The following P4HTM variants were observed in gnomAD, a reference collection of about 807,000 sequenced individuals.
P4HTM encodes prolyl 4-hydroxylase, transmembrane, also known as transmembrane prolyl 4-hydroxylase.
In P4HTM, 33 loss-of-function variants were observed where a neutral mutation model predicts 55.3. The ratio of observed to expected loss-of-function variants is 0.60; its 90% CI spans 0.45 to 0.80. The LOEUF is 0.80. Ranked by LOEUF, P4HTM falls within the 30% of genes least tolerant of loss-of-function variation. The pLI is 0.00. For synonymous variants in P4HTM, 272 were observed against 286.4 expected, an observed-to-expected ratio of 0.95 and a Z score of 0.51; for missense variants, 542 against 696.5, an observed-to-expected ratio of 0.78 and a Z score of 2.50.
intron 2 of P4HTM, among the ~76,000 whole-genome samples, chr3:48,998,556 C>T (rs1366149035): frequency 2.0e-5 from 3 of 152,208 alleles, no homozygotes; most frequent in South Asian, 2.1e-4. Context: ...TCTTCACTCC[C>T]GCCCTCCCAC....
intron 4 of P4HTM, chr3:49,003,241 G>A (rs1439723983): frequency 1.0e-5 from 2 of 191,246 alleles, no homozygotes; most frequent in Non-Finnish European, 2.2e-5. Flanking sequence ...ACAGCAGTTA[G>A]AAAGGACTTG....
In P4HTM at chr3:48,990,897, T is replaced by C; in HGVS notation, c.419T>C (p.Leu140Pro). ...GATCACTTCATCCGAACCCTCAGCC[T>C]CAAGCCGCTGCTCTTCGGTAAGTCC... is the stretch of plus-strand genomic sequence containing the variant. ...DRDHFIRTLS[L>P]KPLLFEIPGF... Residue 140 changes from leucine to proline, a missense_variant, in exon 2 of 9, where the codon CTC becomes CCC. Leu to Pro is a moderately conservative substitution (Grantham distance 98). Coordinates refer to ENST00000383729, the MANE Select transcript of P4HTM (RefSeq NM_177939.3). This position sits in a 1 kb window ranked among gnomAD's most constrained non-coding sequence, Gnocchi z 7.2. 6.2e-7 allele frequency: 1 copy of C among 1,613,638 alleles called. No homozygotes were observed. Among genetic ancestry groups the C allele is most frequent in the African/African-American group, 1.3e-5 (1 of 75,042 alleles).
rs751038198 is a variant in P4HTM, at chr3:49,006,700, C to T, written c.1302C>T (p.Asp434=). The change falls in exon 9 of 9, where the codon GAC becomes GAT. Residue 434 remains aspartate (D), a synonymous_variant. Transcript: ENST00000383729. ...CTCCTCTTCTAGGTTGGGTGGGTGA[C>T]GTAGACGACTACTCGCTGCACGGGG... The part of the protein sequence containing the change: ...YLPDGQGWVG[D]VDDYSLHGGC... 1.2e-6 allele frequency: 2 copies of T among 1,613,594 alleles called. No homozygotes were observed. The highest frequency in any genetic ancestry group is 1.7e-6 in the Non-Finnish European group (2 of 1,179,974).
intron 4 of P4HTM, chr3:49,003,162 A>G: frequency 4.4e-6 from 1 of 228,870 alleles, no homozygotes; most frequent in Non-Finnish European, 8.8e-6. Flanking sequence ...CTCTGGTAAT[A>G]ACTCTCAGGA....
chr3:48,990,315 CGAGGCCGCA>C lies in P4HTM; in HGVS notation c.61_69del (p.Arg21_Gln23del), dbSNP rs758487447. 21 of 1,399,930 alleles carry C rather than the reference CGAGGCCGCA, an allele frequency of 1.5e-5. No homozygotes were observed. The highest frequency in any genetic ancestry group is 9.2e-7 in the Non-Finnish European group (1 of 1,083,090). The allele number at this position is 1,399,930 out of a possible 1,614,324, so 86.7% of individuals were successfully genotyped here. On this transcript the variant is annotated inframe_deletion, in exon 1 of 9. Transcript: ENST00000383729. This position sits in a 1 kb window ranked among gnomAD's most constrained non-coding sequence, Gnocchi z 7.2. Reference sequence around the variant, plus strand: ...GAGACCGCGGCGGCCGAGGAGGCCTCGAGGCCGCAGTGGGCGCCGCCAGACCACTGCCAG... The same window carrying C: ...GAGACCGCGGCGGCCGAGGAGGCCTCGTGGGCGCCGCCAGACCACTGCCAG...
In P4HTM at chr3:49,001,420, C is replaced by G; in HGVS notation, c.437-18C>G. On this transcript the variant is annotated intron_variant, in intron 2 of 8. Coordinates refer to ENST00000383729, the MANE Select transcript of P4HTM (RefSeq NM_177939.3). ...CCCTGGCTCAGTCCTTGGCCTCACC[C>G]ACCTCCTCTTCTGGCAGAAATCCCC... The G allele has an allele frequency of 6.2e-7, 1 of 1,613,352 alleles. No individual in the cohort carries two copies. The highest frequency in any genetic ancestry group is 8.5e-7 in the Non-Finnish European group (1 of 1,179,812).
chr3:48,990,433 C>T lies in P4HTM; in HGVS notation c.177C>T (p.Ala59=). The change falls in exon 1 of 9, where the codon GCC becomes GCT. Residue 59 remains alanine (A), a synonymous_variant. Transcript: ENST00000383729. The surrounding 1 kb of genome is among the most constrained non-coding windows in gnomAD (Gnocchi z 7.2). ...LCKPRGICSR[A]YFLVLMVFVH... ...AGCCCCGCGGCATCTGCTCGCGCGC[C>T]TACTTCCTGGTGCTGATGGTGTTCG... 1 of 1,608,626 alleles carries T rather than the reference C, an allele frequency of 6.2e-7. No individual in the cohort carries two copies. Among genetic ancestry groups the T allele is most frequent in the Non-Finnish European group, 8.5e-7 (1 of 1,179,136 alleles).
At chr3:48,993,218 C>T (rs1435157087) in intron 2 of P4HTM, among the ~76,000 whole-genome samples, 4 of 151,298 alleles carry the variant, frequency 2.6e-5, no homozygotes, top group African/African-American at 7.3e-5. Flanking sequence ...AGGAGAATCG[C>T]TTGAACCCAG....
In P4HTM at chr3:49,004,993, C is replaced by T; in HGVS notation, c.1020C>T (p.Cys340=). Residue 340 remains cysteine, a synonymous_variant, in exon 6 of 9, where the codon TGC becomes TGT. Coordinates refer to ENST00000383729, the MANE Select transcript of P4HTM (RefSeq NM_177939.3). ...GGCCTGTGTACCCAGAGACCATCTG[C>T]TCCCATACCAAGCTGGTAGCCAACG... The part of the protein sequence containing the change: ...DSGPVYPETI[C]SHTKLVANES... 5.0e-6 allele frequency: 8 copies of T among 1,614,126 alleles called. No homozygotes were observed. The highest frequency in any genetic ancestry group is 6.8e-6 in the Non-Finnish European group (8 of 1,180,036).
chr3:48,992,328 G>A (rs1025767031), intron 2 of P4HTM: 5 of 151,978 alleles, frequency 3.3e-5, no homozygotes, highest in African/African-American at 1.2e-4. Flanking sequence ...AGACAGGGCC[G>A]GGCGTGGTGG....
At position 49,002,580 on chromosome 3, in the gene P4HTM, T is replaced by A. The variant is rs762291178; in HGVS notation, c.708T>A (p.Ala236=). The A allele has an allele frequency of 6.2e-7, 1 of 1,612,872 alleles. No individual in the cohort carries two copies. The change falls in exon 4 of 9, where the codon GCT becomes GCA. Residue 236 remains alanine, a synonymous_variant. Transcript: ENST00000383729. This position sits in a 1 kb window ranked among gnomAD's most constrained non-coding sequence, Gnocchi z 4.4. ...AGGAGATGTACGCCGCGATCAAGGC[T>A]GACCCTGATGGTGACGGTGAGCTCA... is the stretch of plus-strand genomic sequence containing the variant. ...SIQEMYAAIK[A]DPDGDGVLSL...
rs150242336 is a variant in P4HTM at position 49,006,876 on chromosome 3, G to A, written c.1478G>A (p.Arg493Gln). The A allele has an allele frequency of 2.5e-5, 40 of 1,612,620 alleles. No individual in the cohort carries two copies. The African/African-American group carries it at 4.7e-4, about 19-fold the overall frequency. ...TDSQPEWALD[R>Q]AYRDARVEL ...TCACAGCCCGAGTGGGCTCTGGACCGGGCCTACCGCGATGCGCGCGTGGAA... is the reference window on the plus strand; with the variant it reads ...TCACAGCCCGAGTGGGCTCTGGACCAGGCCTACCGCGATGCGCGCGTGGAA... The change falls in exon 9 of 9, where the codon CGG (arginine) becomes CAG (glutamine). Residue 493 changes from arginine to glutamine, a missense_variant. Around this residue, in one of 2 missense-constraint regions of P4HTM, gnomAD observed 536 missense variants for 672.1 expected, o/e 0.80. Transcript: ENST00000383729.
rs774451170 is a variant in P4HTM at position 49,001,471 on chromosome 3, G to C, written c.470G>C (p.Arg157Pro). Residue 157 changes from arginine to proline, a missense_variant, in exon 3 of 9, where the codon CGG becomes CCG. Physicochemically the swap from Arg to Pro is moderately radical, Grantham distance 103. Coordinates refer to ENST00000383729, the MANE Select transcript of P4HTM (RefSeq NM_177939.3). ...IPGFLTDEECRLIIHLAQMKG... is the reference protein window; with the variant it reads ...IPGFLTDEECPLIIHLAQMKG... ...GGCTTCCTGACTGATGAAGAGTGTC[G>C]GCTCATCATCCATCTGGCGCAGATG... 6.2e-7 allele frequency: 1 copy of C among 1,613,862 alleles called. No individual in the cohort carries two copies. Among genetic ancestry groups the C allele is most frequent in the African/African-American group, 1.3e-5 (1 of 75,026 alleles).
At chr3:48,998,984 C>T (rs939269422) in intron 2 of P4HTM, among the ~76,000 whole-genome samples, 2 of 152,158 alleles carry the variant, frequency 1.3e-5, no homozygotes, top group Non-Finnish European at 2.9e-5. Flanking sequence ...TGCCCCCAAC[C>T]CCCAGCCTGA....
chr3:48,990,842 G>A lies in P4HTM; in HGVS notation c.364G>A (p.Glu122Lys), dbSNP rs147087720. The change falls in exon 2 of 9, where the codon GAG becomes AAG. Residue 122 changes from glutamate (E) to lysine (K), a missense_variant. Around this residue, in one of 2 missense-constraint regions of P4HTM, gnomAD observed 536 missense variants for 672.1 expected, o/e 0.80. Coordinates refer to ENST00000383729, the MANE Select transcript of P4HTM (RefSeq NM_177939.3). The surrounding 1 kb of genome is among the most constrained non-coding windows in gnomAD (Gnocchi z 7.2). ...TGCGCCTTTTCCTTAGGTGGGGCAC[G>A]AGCGTAAGGTCCAGCTGGTCACCGA... ...TRLEGIKVGH[E>K]RKVQLVTDRD... The A allele has an allele frequency of 4.3e-6, 7 of 1,613,826 alleles. No homozygotes were observed. The highest frequency in any genetic ancestry group is 2.2e-5 in the East Asian group (1 of 44,860).
At chr3:48,991,510 A>C (rs1230843184) in intron 2 of P4HTM, 1 of 152,510 alleles carries the variant, frequency 6.6e-6, no homozygotes, top group East Asian at 1.9e-4. Flanking sequence ...AGCTCTAGTT[A>C]TGTGCTTGCC....
intron 2 of P4HTM, chr3:48,991,711 A>G (rs2092931795): frequency 6.6e-6 from 1 of 152,250 alleles, no homozygotes; most frequent in Non-Finnish European, 1.5e-5. Context: ...CAGTAAAGCC[A>G]CAGTGCGAGC....
intron 2 of P4HTM, among the ~76,000 whole-genome samples, chr3:49,000,162 A>C (rs754895157): frequency 6.6e-6 from 1 of 152,178 alleles, no homozygotes; most frequent in Non-Finnish European, 1.5e-5. Flanking sequence ...TAGGGTAAGT[A>C]TAAGGATTAA....
In P4HTM at chr3:49,006,837, A is replaced by C. The variant is rs1239401943; in HGVS notation, c.1439A>C (p.Glu480Ala). 18 of 1,613,258 alleles carry C rather than the reference A, an allele frequency of 1.1e-5. No homozygotes were observed. The highest frequency in any genetic ancestry group is 1.5e-5 in the Non-Finnish European group (18 of 1,180,004). The change falls in exon 9 of 9, where the codon GAA (glutamate) becomes GCA (alanine). Residue 480 changes from glutamate to alanine, a missense_variant. Transcript: ENST00000383729. ...FQQEMARLAR[E>A]GGTDSQPEWA... ...CAGGAGATGGCCCGCCTTGCCCGAG[A>C]AGGGGGCACCGACTCACAGCCCGAG...
Sources: gnomAD v4.1 joint callset for allele counts (sites outside exome capture counted in the v4.1 genomes callset) on GRCh38, gnomAD v4.1.1 for gene constraint, gnomAD v4.1.1 regional missense constraint, Gnocchi (gnomAD v3.1) non-coding constraint, MANE v1.5 for transcripts, NCBI Gene and HGNC (gene_info 2026-07-23, HGNC 2026-07-21) for gene names.